The following HPSE2 variants were observed in gnomAD, a reference collection of about 807,000 sequenced individuals.
The protein encoded by HPSE2 is inactive heparanase-2.
A neutral mutation model predicts 60.5 loss-of-function variants in HPSE2; 38 were observed. That is an observed-to-expected ratio of 0.63 (90% CI 0.48 to 0.82). The LOEUF is 0.82. Ranked by LOEUF, HPSE2 falls within the 40% of genes least tolerant of loss-of-function variation. HPSE2 has a pLI of 0.00. For synonymous variants in HPSE2, 295 were observed against 293.2 expected (o/e 1.01, Z -0.06); for missense variants, 713 against 740.4 (o/e 0.96, Z 0.43).
intron 2 of HPSE2, among the ~76,000 whole-genome samples, chr10:99,177,383 G>A (rs890159586): frequency 1.8e-4 from 28 of 151,978 alleles, no homozygotes; most frequent in African/African-American, 5.8e-4. Flanking sequence ...CCCAGCTCAC[G>A]TGCAAAGACA....
intron 3 of HPSE2, among the ~76,000 whole-genome samples, chr10:98,759,550 T>C (rs1949959376): frequency 6.6e-6 from 1 of 152,102 alleles, no homozygotes; most frequent in Non-Finnish European, 1.5e-5. Context: ...AAAGACATTA[T>C]CTCTTCCCCA....
At chr10:99,108,121 T>C (rs1276289661) in intron 3 of HPSE2, among the ~76,000 whole-genome samples, 1 of 152,166 alleles carries the variant, frequency 6.6e-6, no homozygotes, top group Non-Finnish European at 1.5e-5. Flanking sequence ...TGAAAGATAG[T>C]TCAGAGCGCC....
chr10:98,775,705 A>G (rs537483283), intron 3 of HPSE2, among the ~76,000 whole-genome samples: 2 of 152,136 alleles, frequency 1.3e-5, no homozygotes, highest in East Asian at 3.9e-4. Context: ...TTTACCCCCT[A>G]CCTATATACT....
intron 2 of HPSE2, among the ~76,000 whole-genome samples, chr10:99,161,513 T>C (rs1443840325): frequency 6.6e-6 from 1 of 152,140 alleles, no homozygotes; most frequent in Non-Finnish European, 1.5e-5. Context: ...CGCATATCAA[T>C]TGACAGAAAG....
At chr10:99,121,482 A>T (rs911308947) in intron 3 of HPSE2, among the ~76,000 whole-genome samples, 11 of 152,148 alleles carry the variant, frequency 7.2e-5, no homozygotes, top group African/African-American at 2.2e-4. Context: ...AAACAAGTTT[A>T]AAAAAAGTGT....
chr10:98,571,459 A>G (rs2133898237), intron 9 of HPSE2, among the ~76,000 whole-genome samples: 1 of 152,328 alleles, frequency 6.6e-6, no homozygotes, highest in Middle Eastern at 3.4e-3. Context: ...AATGGGCTTC[A>G]AAGGGGTAAA....
intron 3 of HPSE2, among the ~76,000 whole-genome samples, chr10:99,089,989 T>C (rs1843456497): frequency 6.6e-6 from 1 of 152,198 alleles, no homozygotes; most frequent in Non-Finnish European, 1.5e-5. Flanking sequence ...GCTGTTGGTG[T>C]ATAGCAGGGC....
chr10:98,905,534 T>C (rs919513681), intron 3 of HPSE2, among the ~76,000 whole-genome samples: 3 of 152,162 alleles, frequency 2.0e-5, no homozygotes, highest in Non-Finnish European at 4.4e-5. Context: ...ACTTACATGT[T>C]CAGGATCCAG....
At chr10:99,169,299 A>T (rs1847212577) in intron 2 of HPSE2, among the ~76,000 whole-genome samples, 1 of 150,524 alleles carries the variant, frequency 6.6e-6, no homozygotes, top group Non-Finnish European at 1.5e-5. Context: ...AAGTCAGGAG[A>T]TCGAGACCAT....
At chr10:99,242,071 AGGG>A in the HPSE2 span, among the ~76,000 whole-genome samples, 1 of 152,200 alleles carries the variant, frequency 6.6e-6, no homozygotes, top group Admixed American at 6.5e-5. Context: ...CTACTAGGAA[AGGG>A]AAAACAGGAA....
chr10:98,923,545 G>A (rs1386718863), intron 3 of HPSE2, among the ~76,000 whole-genome samples: 3 of 151,780 alleles, frequency 2.0e-5, no homozygotes, highest in African/African-American at 7.3e-5. Flanking sequence ...TCCTTTTCAG[G>A]CTACTTTCTA....
chr10:98,578,634 A>C (rs199809166), intron 9 of HPSE2, among the ~76,000 whole-genome samples: 3 of 152,244 alleles, frequency 2.0e-5, no homozygotes, highest in African/African-American at 7.2e-5. Flanking sequence ...ATACAAAAGA[A>C]ATTAAAATTA....
chr10:98,463,518 T>C (rs1940395666), intron 11 of HPSE2, among the ~76,000 whole-genome samples: 1 of 152,024 alleles, frequency 6.6e-6, no homozygotes, highest in Non-Finnish European at 1.5e-5. Flanking sequence ...AAAAGTATAG[T>C]AGGCTGGGTG....
At chr10:98,782,722 C>T (rs1485914222) in intron 3 of HPSE2, among the ~76,000 whole-genome samples, 1 of 102,728 alleles carries the variant, frequency 9.7e-6, no homozygotes, top group Admixed American at 9.3e-5. Context: ...AACAGATCCA[C>T]ACATATTTAG....
chr10:98,916,704 A>G (rs748765737), intron 3 of HPSE2, among the ~76,000 whole-genome samples: 2 of 152,132 alleles, frequency 1.3e-5, no homozygotes, highest in African/African-American at 4.8e-5. Flanking sequence ...TTGTTTCTTG[A>G]TTTCTTTCAA....
intron 10 of HPSE2, among the ~76,000 whole-genome samples, chr10:98,483,622 G>T (rs959754708): frequency 1.3e-5 from 2 of 152,176 alleles, no homozygotes; most frequent in African/African-American, 4.8e-5. Context: ...GTGATCGCGT[G>T]ATTTGCTTTG....
chr10:98,732,668 C>T (rs1300387528), intron 4 of HPSE2, among the ~76,000 whole-genome samples: 1 of 151,998 alleles, frequency 6.6e-6, no homozygotes, highest in Non-Finnish European at 1.5e-5. Flanking sequence ...AGAGCTAAAA[C>T]AATGAAACTT....
chr10:98,542,330 C>A (rs1165152689), intron 9 of HPSE2, among the ~76,000 whole-genome samples: 64 of 148,816 alleles, frequency 4.3e-4, no homozygotes, highest in African/African-American at 1.2e-3. Flanking sequence ...CCATCTGTAC[C>A]TCACCATCAT....
In HPSE2 at chr10:98,769,789, G is replaced by A. The variant is rs184707406; in HGVS notation, c.611-25733C>T. 3.3e-5 allele frequency among the ~76,000 whole-genome samples: 5 copies of A among 152,264 alleles called. No homozygotes were observed. The East Asian group carries it at 9.6e-4, about 29-fold the overall frequency. On this transcript the variant is annotated intron_variant, in intron 3 of 11. Transcript: ENST00000370552. ...GCTGAGACATGGTCCTTGCTTTCAA[G>A]GAATTTATAGGCTGAGACATAAGTA...
Sources: gnomAD v4.1 joint callset for allele counts (sites outside exome capture counted in the v4.1 genomes callset) on GRCh38, gnomAD v4.1.1 for gene constraint, MANE v1.5 for transcripts, NCBI Gene and HGNC (gene_info 2026-07-23, HGNC 2026-07-21) for gene names.